Variants in MICAL3 observed in about 807,000 individuals in gnomAD.
The protein encoded by MICAL3 is [F-actin]-monooxygenase MICAL3.
Under a neutral mutation model 207.4 loss-of-function variants are expected in MICAL3, and 62 were observed. That is an observed-to-expected ratio of 0.30 (90% CI 0.24 to 0.37). The LOEUF (loss-of-function observed/expected upper bound fraction) is 0.37. Ranked by LOEUF, MICAL3 falls within the 10% of genes least tolerant of loss-of-function variation. MICAL3 has a pLI of 1.00. For synonymous variants in MICAL3, 1,077 were observed against 1,069.3 expected, an observed-to-expected ratio of 1.01 and a Z score of -0.14; for missense variants, 2,368 against 2,635.6, an observed-to-expected ratio of 0.90 and a Z score of 2.22.
At chr22:17,882,213 G>A (rs150218675) in intron 16 of MICAL3, among the ~76,000 whole-genome samples, 21 of 152,350 alleles carry the variant, frequency 1.4e-4, no homozygotes, top group Non-Finnish European at 2.2e-4. Flanking sequence ...GAAGGGAAGA[G>A]CCACAGTGTT....
At chr22:18,011,756 G>C (rs1923751511) in intron 1 of MICAL3, among the ~76,000 whole-genome samples, 2 of 150,408 alleles carry the variant, frequency 1.3e-5, no homozygotes, top group African/African-American at 4.9e-5. Flanking sequence ...GCTGGGTGTG[G>C]TGGTGGGTGC....
chr22:18,001,209 G>A (rs1235471749), intron 1 of MICAL3: 1 of 152,014 alleles, frequency 6.6e-6, no homozygotes, highest in Non-Finnish European at 1.5e-5. Flanking sequence ...CCGCGCCGCG[G>A]CGGCTCCCGG....
intron 1 of MICAL3, among the ~76,000 whole-genome samples, chr22:17,945,374 G>T (rs557555012): frequency 1.1e-4 from 16 of 152,290 alleles, no homozygotes; most frequent in African/African-American, 3.9e-4. Flanking sequence ...AGAAAGCAGG[G>T]TCCTTGGCCA....
At chr22:18,021,574 A>T (rs1020199671) in intron 1 of MICAL3, among the ~76,000 whole-genome samples, 3 of 152,240 alleles carry the variant, frequency 2.0e-5, no homozygotes, top group African/African-American at 7.2e-5. Context: ...CAGACTAGAA[A>T]AGCAAAGACT....
intron 1 of MICAL3, among the ~76,000 whole-genome samples, chr22:17,935,616 AG>A (rs1243300645): frequency 1.4e-4 from 21 of 152,372 alleles, no homozygotes; most frequent in Middle Eastern, 3.4e-3. Context: ...GCACAGGAAA[AG>A]AAACTACCAT....
At chr22:17,881,123 G>C in intron 16 of MICAL3, 1 of 1,145,992 alleles carries the variant, frequency 8.7e-7, no homozygotes, top group Non-Finnish European at 1.3e-6. Context: ...AAGAGGGAAA[G>C]TGACTTGGTC....
intron 1 of MICAL3, among the ~76,000 whole-genome samples, chr22:17,989,372 C>T (rs1419855598): frequency 6.6e-6 from 1 of 152,188 alleles, no homozygotes; most frequent in Non-Finnish European, 1.5e-5. Flanking sequence ...TCTTACCACA[C>T]AGCGCTGAAA....
chr22:17,923,839 G>C (rs1375272504), intron 1 of MICAL3, among the ~76,000 whole-genome samples: 2 of 152,330 alleles, frequency 1.3e-5, no homozygotes, highest in African/African-American at 4.8e-5. Flanking sequence ...ATCTGTGTTA[G>C]TCCATTCTCA....
chr22:17,791,314 C>G lies in MICAL3; in HGVS notation c.5651-13G>C, dbSNP rs377226483. The G allele has an allele frequency of 3.1e-6, 5 of 1,608,734 alleles. No individual in the cohort carries two copies. In the Admixed American group the frequency reaches 8.4e-5, roughly 27 times the overall value. ...TTCTTGCCCATGCCTGCCGAGAGAA[C>G]GCTTGTGTCGGGTGCAGGGAGTGCC... On this transcript the variant is annotated splice_polypyrimidine_tract_variant and intron_variant, in intron 29 of 31. Transcript: ENST00000441493.
At chr22:17,983,082 CT>C (rs1414519866) in intron 1 of MICAL3, 1 of 152,240 alleles carries the variant, frequency 6.6e-6, no homozygotes, top group Admixed American at 6.6e-5. Flanking sequence ...ATTCTGTCTA[CT>C]GTTTTTTCTT....
At chr22:17,875,234 A>G (rs796927903) in intron 16 of MICAL3, 100 of 343,078 alleles carry the variant, frequency 2.9e-4, no homozygotes, top group African/African-American at 2.0e-3. Context: ...ATACAGTTGG[A>G]TGAAAGCCAG....
chr22:17,966,796 C>T (rs1226744907), intron 1 of MICAL3, among the ~76,000 whole-genome samples: 1 of 152,180 alleles, frequency 6.6e-6, no homozygotes, highest in Non-Finnish European at 1.5e-5. Context: ...TATCTGCCCC[C>T]AGTGTAGCCT....
At chr22:17,860,970 T>C (rs375746439) in intron 19 of MICAL3, 13 of 983,772 alleles carry the variant, frequency 1.3e-5, no homozygotes, top group Non-Finnish European at 1.6e-5. Context: ...TCTACCCATA[T>C]ATGTGCAATT....
intron 1 of MICAL3, among the ~76,000 whole-genome samples, chr22:17,985,551 C>T (rs1260138763): frequency 6.6e-6 from 1 of 152,142 alleles, no homozygotes; most frequent in East Asian, 1.9e-4. Context: ...TAGCCTCTGC[C>T]TGGGGCGGGG....
intron 19 of MICAL3, chr22:17,860,485 C>T (rs990714025): frequency 2.9e-5 from 29 of 985,308 alleles, no homozygotes; most frequent in African/African-American, 5.2e-5. Flanking sequence ...CTGAATGGCT[C>T]GGGAGAAAAG....
intron 22 of MICAL3, among the ~76,000 whole-genome samples, chr22:17,823,768 T>C (rs546325275): frequency 6.6e-6 from 1 of 152,094 alleles, no homozygotes; most frequent in African/African-American, 2.4e-5. Flanking sequence ...CCGAAAAAAA[T>C]TCGAAATCCA....
intron 19 of MICAL3, among the ~76,000 whole-genome samples, chr22:17,846,571 A>G (rs73384585): frequency 0.063 from 9,580 of 152,148 alleles, 628 homozygotes; most frequent in African/African-American, 0.17. Flanking sequence ...CTCCCTCATC[A>G]ACTAATGGCA....
chr22:17,963,501 G>A (rs1023877520), intron 1 of MICAL3, among the ~76,000 whole-genome samples: 4 of 152,138 alleles, frequency 2.6e-5, no homozygotes, highest in East Asian at 3.9e-4. Context: ...CTGTGAACAC[G>A]TGATGGGCCT....
rs547655879 is a variant in MICAL3, at chr22:17,796,165, C to G, written c.5651-4864G>C. 6.6e-6 allele frequency among the ~76,000 whole-genome samples: 1 copy of G among 152,212 alleles called. No individual in the cohort carries two copies. Among genetic ancestry groups the G allele is most frequent in the South Asian group, 2.1e-4 (1 of 4,828 alleles). ...CAGTGAGCGGGTCCTGGTCAGAGGA[C>G]CCCTCCTCCCTGGAGCACTCTGCTG... On this transcript the variant is annotated intron_variant, in intron 29 of 31. Coordinates refer to ENST00000441493, the MANE Select transcript of MICAL3 (RefSeq NM_015241.3). The surrounding 1 kb of genome is among the most constrained non-coding windows in gnomAD (Gnocchi z 4.4).
Sources: allele counts gnomAD v4.1 joint callset (sites outside exome capture counted in the v4.1 genomes callset), GRCh38; gene constraint gnomAD v4.1.1; non-coding constraint Gnocchi (gnomAD v3.1); transcripts MANE v1.5; gene names NCBI Gene and HGNC (gene_info 2026-07-23, HGNC 2026-07-21).